Variants in IVD observed in about 807,000 individuals in gnomAD.
The protein encoded by IVD is isovaleryl-CoA dehydrogenase, also known as isovaleryl-CoA dehydrogenase, mitochondrial.
In IVD, 31 loss-of-function variants were observed where a neutral mutation model predicts 51.3. The ratio of observed to expected loss-of-function variants is 0.60; its 90% confidence interval spans 0.45 to 0.81. The LOEUF (loss-of-function observed/expected upper bound fraction) is 0.81. Ranked by LOEUF, IVD falls within the 40% of genes least tolerant of loss-of-function variation. The probability of loss-of-function intolerance (pLI) is 0.00; values close to 1 mark genes in which losing one functional copy is unlikely to be tolerated. For missense variants in IVD, 475 were observed against 552.0 expected, an observed-to-expected ratio of 0.86 and a Z score of 1.40; for synonymous variants, 205 against 219.4, an observed-to-expected ratio of 0.93 and a Z score of 0.58.
At chr15:40,407,607 G>A in intron 1 of IVD, 29 bp from the exon 2 acceptor site, 1 of 1,509,182 alleles carries the variant, frequency 6.6e-7, no homozygotes, top group Non-Finnish European at 9.2e-7. Context: ...GCTGTCTGCA[G>A]TGGCATCTGT....
intron 1 of IVD, among the ~76,000 whole-genome samples, chr15:40,406,822 A>G (rs1249287160): frequency 2.0e-5 from 3 of 150,744 alleles, no homozygotes; most frequent in Non-Finnish European, 3.0e-5. Context: ...TTCAATCCCT[A>G]TTCTCAAGCT....
Position 40,420,083 on chromosome 15 carries a change from A to G in IVD, c.*1820A>G. ...GCGCCATTGCACTCCAGCCTGGGCA[A>G]CAGAGTGAGACTCTGTCTCAAAAAA... On this transcript the variant is annotated 3_prime_UTR_variant, in exon 12 of 12. Transcript: ENST00000487418. The G allele has an allele frequency of 1.0e-6, 1 of 971,234 alleles. No individual in the cohort carries two copies. Among genetic ancestry groups the G allele is most frequent in the Non-Finnish European group, 1.2e-6 (1 of 816,976 alleles). The allele number at this position is 971,234 out of a possible 1,614,324, so 60.2% of individuals were successfully genotyped here.
At position 40,411,601 on chromosome 15, in the gene IVD, C is replaced by T. The variant is rs754418427; in HGVS notation, c.597C>T (p.Gly199=). ...LNGNKFWITN[G]PDADVLIVYA... is the part of the protein sequence containing the mutation. ...GCAACAAGTTCTGGATCACTAATGG[C>T]CCTGATGCTGACGTCCTGATTGTCT... Residue 199 remains glycine (G), a synonymous_variant, in exon 6 of 12, where the codon GGC becomes GGT. Transcript: ENST00000487418. 1.3e-4 allele frequency: 216 copies of T among 1,614,006 alleles called. 1 individual carries two copies. The highest frequency in any genetic ancestry group is 6.7e-5 in the Non-Finnish European group (79 of 1,179,998).
At chr15:40,422,440 T>C (rs113616186), downstream of IVD, among the ~76,000 whole-genome samples, 38 of 151,438 alleles carry the variant, frequency 2.5e-4, no homozygotes, top group African/African-American at 3.9e-4. Context: ...CCCGCCACCA[T>C]GCCCGGCTAA....
chr15:40,422,558 C>T (rs535945509), downstream of IVD, among the ~76,000 whole-genome samples: 3 of 138,168 alleles, frequency 2.2e-5, no homozygotes, highest in Admixed American at 2.3e-4. Context: ...GCTGGGATTA[C>T]AGGCGTGAGC....
rs1892190790 is a variant in IVD at position 40,420,397 on chromosome 15, T to C, written c.*2134T>C. 3 of 987,672 alleles carry C rather than the reference T, an allele frequency of 3.0e-6. No homozygotes were observed. The highest frequency in any genetic ancestry group is 9.4e-5 in the South Asian group (2 of 21,384). The allele number at this position is 987,672 out of a possible 1,614,324, so 61.2% of individuals were successfully genotyped here. ...AGATACCCTATGGCTAATTTTGTTA[T>C]AACTGCACAGTGGCTGCTGCCATTT... On this transcript the variant is annotated 3_prime_UTR_variant, in exon 12 of 12. Coordinates refer to ENST00000487418, the MANE Select transcript of IVD (RefSeq NM_002225.5).
Position 40,420,088 on chromosome 15 carries a change from G to T in IVD, c.*1825G>T. 1.0e-6 allele frequency: 1 copy of T among 968,228 alleles called. No individual in the cohort carries two copies. The highest frequency in any genetic ancestry group is 1.2e-6 in the Non-Finnish European group (1 of 814,168). The allele number at this position is 968,228 out of a possible 1,614,324, so 60.0% of individuals were successfully genotyped here. ...ATTGCACTCCAGCCTGGGCAACAGA[G>T]TGAGACTCTGTCTCAAAAAATAATA... On this transcript the variant is annotated 3_prime_UTR_variant, in exon 12 of 12. Transcript: ENST00000487418.
chr15:40,418,765 A>C lies in IVD; in HGVS notation c.*502A>C. 9.1e-7 allele frequency: 1 copy of C among 1,092,978 alleles called. No individual in the cohort carries two copies. Among genetic ancestry groups the C allele is most frequent in the African/African-American group, 1.7e-5 (1 of 60,558 alleles). The allele number at this position is 1,092,978 out of a possible 1,614,324, so 67.7% of individuals were successfully genotyped here. A position where few individuals can be genotyped will look rare whatever the true frequency, so the allele number is the denominator to read the frequency against. ...TAAGTATCCCTAATCCTGAAATCTGAAACACTTGTGGTTCCAAGCATTTTG... is the reference window on the plus strand; with the variant it reads ...TAAGTATCCCTAATCCTGAAATCTGCAACACTTGTGGTTCCAAGCATTTTG... On this transcript the variant is annotated 3_prime_UTR_variant, in exon 12 of 12. Transcript: ENST00000487418.
intron 7 of IVD, among the ~76,000 whole-genome samples, chr15:40,432,858 A>G (rs1235927839): frequency 6.6e-6 from 1 of 152,248 alleles, no homozygotes; most frequent in Non-Finnish European, 1.5e-5. Flanking sequence ...GACAGAATAC[A>G]GCCACAGGCA....
At chr15:40,415,556 G>A in intron 9 of IVD, 74 bp downstream of exon 9, 1 of 1,266,178 alleles carries the variant, frequency 7.9e-7, no homozygotes, top group Non-Finnish European at 1.1e-6. Context: ...AGGAAGTGAG[G>A]TGGGCACCGT....
chr15:40,409,986 G>A (rs1024080444), intron 3 of IVD, among the ~76,000 whole-genome samples: 7 of 152,114 alleles, frequency 4.6e-5, no homozygotes, highest in African/African-American at 7.2e-5. Context: ...ACAGGCGCCC[G>A]CCACCATGCC....
chr15:40,414,444 T>A (rs552732927), intron 7 of IVD: 1 of 221,486 alleles, frequency 4.5e-6, no homozygotes, highest in South Asian at 7.3e-5. Context: ...GAATGGCCTG[T>A]CTCCTGGACA....
At position 40,407,665 on chromosome 15, in the gene IVD, G is replaced by A. The variant is rs2141301579; in HGVS notation, c.174G>A (p.Gln58=). The A allele has an allele frequency of 6.2e-7, 1 of 1,614,214 alleles. No individual in the cohort carries two copies. Among genetic ancestry groups the A allele is most frequent in the Non-Finnish European group, 8.5e-7 (1 of 1,180,034 alleles). The part of the protein sequence containing the change: ...QLRQTMAKFL[Q]EHLAPKAQEI... ...GTCAGACCATGGCTAAGTTCCTTCA[G>A]GAGCACCTGGCCCCCAAGGCCCAGG... is the stretch of plus-strand genomic sequence containing the variant. The change falls in exon 2 of 12, where the codon CAG becomes CAA. Residue 58 remains glutamine, a synonymous_variant. Transcript: ENST00000487418.
intron 1 of IVD, 40 bp from the exon 2 acceptor site, chr15:40,407,596 T>A: frequency 7.0e-7 from 1 of 1,425,820 alleles, no homozygotes; most frequent in Non-Finnish European, 9.9e-7. Flanking sequence ...GTAGTGGAGA[T>A]GCTGTCTGCA....
At chr15:40,407,749 C>G (rs1193352194) in intron 2 of IVD, 24 bp downstream of exon 2, 2 of 1,601,252 alleles carry the variant, frequency 1.2e-6, no homozygotes, top group Non-Finnish European at 1.7e-6. Flanking sequence ...TCCGGGCAGT[C>G]GGGGGCAGTC....
chr15:40,434,028 T>G, intron 8 of IVD: 1 of 411,758 alleles, frequency 2.4e-6, no homozygotes, highest in South Asian at 1.8e-5. Flanking sequence ...GTGGCCACAG[T>G]GCAGGGCAAG....
At chr15:40,435,710 A>AC (rs1233279767), downstream of IVD, 18 of 1,011,746 alleles carry the variant, frequency 1.8e-5, no homozygotes, top group Non-Finnish European at 1.9e-5. Flanking sequence ...TCACCCCTAT[A>AC]CCACAGCTCT....
chr15:40,429,701 C>T (rs947295490), intron 7 of IVD, among the ~76,000 whole-genome samples: 4 of 152,136 alleles, frequency 2.6e-5, no homozygotes, highest in East Asian at 1.9e-4. Flanking sequence ...ACATCAAGGG[C>T]GGCCTTGGAG....
intron 7 of IVD, among the ~76,000 whole-genome samples, chr15:40,432,848 G>A (rs1893056916): frequency 6.6e-6 from 1 of 152,252 alleles, no homozygotes; most frequent in Non-Finnish European, 1.5e-5. Flanking sequence ...CTGCTGGGTG[G>A]ACAGAATACA....
Sources: allele counts gnomAD v4.1 joint callset (sites outside exome capture counted in the v4.1 genomes callset), GRCh38; gene constraint gnomAD v4.1.1; transcripts MANE v1.5; gene names NCBI Gene and HGNC (gene_info 2026-07-23, HGNC 2026-07-21).